HOXB3: variants seen among roughly 807,000 people sequenced by gnomAD.
HOXB3 encodes the protein homeobox B3.
A neutral mutation model predicts 29.2 loss-of-function variants in HOXB3; 17 were observed. The observed-to-expected ratio is 0.58, with a 90% confidence interval of 0.40 to 0.87. The LOEUF (loss-of-function observed/expected upper bound fraction) is 0.87, where lower values mean the gene tolerates loss of function less well. Ranked by LOEUF, HOXB3 falls within the 40% of genes least tolerant of loss-of-function variation. The pLI is 0.00. For synonymous variants in HOXB3, 317 were observed against 285.9 expected, an observed-to-expected ratio of 1.11 and a Z score of -1.10; for missense variants, 637 against 616.3, an observed-to-expected ratio of 1.03 and a Z score of -0.35.
intron 1 of HOXB3, among the ~76,000 whole-genome samples, chr17:48,586,812 A>G (rs1335803699): frequency 6.6e-6 from 1 of 152,190 alleles, no homozygotes; most frequent in Non-Finnish European, 1.5e-5. Flanking sequence ...CGGGACGCTA[A>G]AGCAAAATAA....
At chr17:48,564,444 C>T (rs2069316927) in intron 2 of HOXB3, among the ~76,000 whole-genome samples, 1 of 152,226 alleles carries the variant, frequency 6.6e-6, no homozygotes, top group South Asian at 2.1e-4. Flanking sequence ...CGCCCCCGCC[C>T]CCGGCTTTGT....
At chr17:48,577,148 GA>G in intron 1 of HOXB3, 1 of 921,902 alleles carries the variant, frequency 1.1e-6, no homozygotes, top group South Asian at 1.7e-5. Context: ...TTCTGAGGGA[GA>G]GCGGGGAAAA....
chr17:48,576,650 T>TTCCCCCCCCCC, intron 1 of HOXB3: 1 of 567,770 alleles, frequency 1.8e-6, no homozygotes, highest in Admixed American at 4.0e-5. Context: ...CCCCCTCCTG[T>TTCCCCCCCCCC]CCCCCCACCC....
intron 2 of HOXB3, chr17:48,556,439 G>C (rs2068994717): frequency 6.6e-6 from 1 of 151,548 alleles, no homozygotes; most frequent in South Asian, 2.1e-4. Context: ...CCCTCCTTCT[G>C]AGTCTCCAGC....
At chr17:48,576,552 A>G in intron 1 of HOXB3, 1 of 513,498 alleles carries the variant, frequency 1.9e-6, no homozygotes, top group South Asian at 4.3e-5. Context: ...TTCTATAAAT[A>G]AAGCTTCCCC....
intron 2 of HOXB3, among the ~76,000 whole-genome samples, chr17:48,573,188 G>T (rs2069642915): frequency 6.6e-6 from 1 of 152,296 alleles, no homozygotes; most frequent in South Asian, 2.1e-4. Flanking sequence ...CAGAGCAGAA[G>T]AGAAATATTT....
At chr17:48,585,243 G>C (rs1182068508) in intron 1 of HOXB3, among the ~76,000 whole-genome samples, 1 of 152,166 alleles carries the variant, frequency 6.6e-6, no homozygotes, top group Non-Finnish European at 1.5e-5. Context: ...GCCTGGAAGG[G>C]CTTTTGACCA....
chr17:48,567,801 G>T (rs553115577), intron 2 of HOXB3, among the ~76,000 whole-genome samples: 1 of 152,266 alleles, frequency 6.6e-6, no homozygotes, highest in Admixed American at 6.5e-5. Flanking sequence ...GTCCCTCACT[G>T]CTGAGGAAAC....
intron 1 of HOXB3, among the ~76,000 whole-genome samples, chr17:48,587,926 C>T (rs966783428): frequency 1.3e-5 from 2 of 152,208 alleles, no homozygotes; most frequent in African/African-American, 4.8e-5. Flanking sequence ...GGGGCCTGCC[C>T]CAGGTTGAAG....
chr17:48,552,290 G>A lies in HOXB3; in HGVS notation c.185C>T (p.Pro62Leu), dbSNP rs752421544. 14 of 1,613,898 alleles carry A rather than the reference G, an allele frequency of 8.7e-6. No homozygotes were observed. The Admixed American group carries it at 2.0e-4, about 23-fold the overall frequency. ...GTTGAGCTCCTTGCTCTTGGCATGTGGGGCAGCGTTGCCCAGGGACTGCAG... is the reference window on the plus strand; with the variant it reads ...GTTGAGCTCCTTGCTCTTGGCATGTAGGGCAGCGTTGCCCAGGGACTGCAG... ...CSLQSLGNAAPHAKSKELNGS... is the reference protein window; with the variant it reads ...CSLQSLGNAALHAKSKELNGS... Residue 62 changes from proline to leucine, a missense_variant, in exon 4 of 5, where the codon CCA becomes CTA. Physicochemically the swap from Pro to Leu is moderately conservative, Grantham distance 98. Coordinates refer to ENST00000498678, the MANE Select transcript of HOXB3 (RefSeq NM_001384749.1).
rs948058758 is a variant in HOXB3 at position 48,566,990 on chromosome 17, T to G, written c.-247+6847A>C. Among the ~76,000 whole-genome samples the G allele has an allele frequency of 3.5e-4, 53 of 152,320 alleles. 1 individual carries two copies. Among genetic ancestry groups the G allele is most frequent in the South Asian group, 2.1e-4 (1 of 4,826 alleles). On this transcript the variant is annotated intron_variant, in intron 2 of 4. Coordinates refer to ENST00000498678, the MANE Select transcript of HOXB3 (RefSeq NM_001384749.1). ...GTCTCTTTGCTGCCTCTGCCAGCCC[T>G]TCCCACCTCCTCACAATCTCCAGTG...
chr17:48,555,740 C>G, intron 2 of HOXB3, 122 bp from the exon 3 acceptor site: 1 of 645,968 alleles, frequency 1.5e-6, no homozygotes, highest in Non-Finnish European at 2.8e-6. Flanking sequence ...AGAGGAGCCG[C>G]GCGGCGTCCG....
At chr17:48,552,818 A>C in intron 3 of HOXB3, 186 bp from the exon 4 acceptor site, 1 of 264,256 alleles carries the variant, frequency 3.8e-6, no homozygotes, top group Non-Finnish European at 7.2e-6. Context: ...AAAAATAAAT[A>C]AAGACTATAT....
chr17:48,568,773 A>C (rs1260579539), intron 2 of HOXB3, among the ~76,000 whole-genome samples: 1 of 152,180 alleles, frequency 6.6e-6, no homozygotes, highest in African/African-American at 2.4e-5. Context: ...AGAAAGAGAG[A>C]GAGAGAAAAG....
At chr17:48,567,491 TG>T (rs984216277) in intron 2 of HOXB3, among the ~76,000 whole-genome samples, 1 of 152,184 alleles carries the variant, frequency 6.6e-6, no homozygotes, top group African/African-American at 2.4e-5. Flanking sequence ...ATCACAACTT[TG>T]GGGCACAGTG....
intron 1 of HOXB3, among the ~76,000 whole-genome samples, chr17:48,582,779 A>C (rs543422841): frequency 3.9e-5 from 6 of 152,296 alleles, no homozygotes; most frequent in African/African-American, 9.6e-5. Flanking sequence ...ACCCGAAAAA[A>C]GTCCCATTCG....
chr17:48,589,666 C>A (rs2070111830), intron 1 of HOXB3, among the ~76,000 whole-genome samples: 1 of 152,170 alleles, frequency 6.6e-6, no homozygotes, highest in South Asian at 2.1e-4. Context: ...TTTCTCAGCT[C>A]AGATGTATCC....
At chr17:48,578,059 G>C in intron 1 of HOXB3, 9 of 1,169,532 alleles carry the variant, frequency 7.7e-6, no homozygotes, top group Non-Finnish European at 9.7e-6. Flanking sequence ...GGGACAGACC[G>C]GGCGGTGGCG....
intron 2 of HOXB3, chr17:48,557,020 AAGG>A (rs1431631873): frequency 6.6e-6 from 1 of 152,356 alleles, no homozygotes; most frequent in Non-Finnish European, 1.5e-5. Context: ...AGGAAAAGGC[AAGG>A]AGGAGGCCTG....
Sources: gnomAD v4.1 joint callset for allele counts (sites outside exome capture counted in the v4.1 genomes callset) on GRCh38, gnomAD v4.1.1 for gene constraint, MANE v1.5 for transcripts, NCBI Gene and HGNC (gene_info 2026-07-23, HGNC 2026-07-21) for gene names.